The following SPATC1 variants were observed in gnomAD, a reference collection of about 807,000 sequenced individuals.
SPATC1 encodes spermatogenesis and centriole associated 1.
In SPATC1, 35 loss-of-function variants were observed where a neutral mutation model predicts 36.5. The ratio of observed to expected loss-of-function variants is 0.96; its 90% CI spans 0.73 to 1.27. The LOEUF is 1.27. Among genes scored for constraint, SPATC1 ranks in the 50% most tolerant of loss-of-function variants. SPATC1 has a pLI of 0.00. For missense variants in SPATC1, 779 were observed against 796.0 expected (o/e 0.98, Z 0.26); for synonymous variants, 361 against 353.6 (o/e 1.02, Z -0.24).
chr8:144,019,539 A>T (rs912202687), intron 1 of SPATC1, among the ~76,000 whole-genome samples: 54 of 152,092 alleles, frequency 3.6e-4, no homozygotes, highest in Admixed American at 7.9e-4. Context: ...GGCAGGTGGG[A>T]GCTGCGGCAT....
At chr8:144,027,980 G>A (rs910750843) in intron 1 of SPATC1, among the ~76,000 whole-genome samples, 4 of 151,642 alleles carry the variant, frequency 2.6e-5, no homozygotes, top group South Asian at 2.1e-4. Flanking sequence ...GTGACAGAGC[G>A]AGACTCTATC....
chr8:144,027,348 C>T (rs991520082), intron 1 of SPATC1, among the ~76,000 whole-genome samples: 1 of 152,074 alleles, frequency 6.6e-6, no homozygotes, highest in East Asian at 1.9e-4. Flanking sequence ...GGATATAGTC[C>T]CTCCTCAAAT....
chr8:144,013,688 G>A (rs1451409714), intron 1 of SPATC1, among the ~76,000 whole-genome samples: 1 of 152,176 alleles, frequency 6.6e-6, no homozygotes, highest in Non-Finnish European at 1.5e-5. Context: ...AGGTGCGGTG[G>A]CTCACACCTA....
At chr8:144,014,400 A>AGAG (rs1232361657) in intron 1 of SPATC1, among the ~76,000 whole-genome samples, 13 of 150,960 alleles carry the variant, frequency 8.6e-5, no homozygotes, top group African/African-American at 2.9e-4. Flanking sequence ...AAGAAGAACA[A>AGAG]GAAGAAGAAG....
In SPATC1 at chr8:144,015,957, G is replaced by A. The variant is rs1280898023; in HGVS notation, c.211+3231G>A. Reference sequence around the variant, plus strand: ...GGCGCCTGTAGTCCCAGCTACTTGGGAGGCTGAGGCGGGAGAATGGCGTGA... The same window carrying A: ...GGCGCCTGTAGTCCCAGCTACTTGGAAGGCTGAGGCGGGAGAATGGCGTGA... On this transcript the variant is annotated intron_variant, in intron 1 of 4. Coordinates refer to ENST00000377470, the MANE Select transcript of SPATC1 (RefSeq NM_198572.3). Among the ~76,000 whole-genome samples the A allele has an allele frequency of 2.6e-5, 4 of 151,470 alleles. No homozygotes were observed. In the East Asian group the frequency reaches 7.8e-4, roughly 29 times the overall value.
At chr8:144,024,194 A>T (rs1379577248) in intron 1 of SPATC1, among the ~76,000 whole-genome samples, 3 of 146,518 alleles carry the variant, frequency 2.0e-5, no homozygotes, top group Admixed American at 6.8e-5. Context: ...TCCCTTCAGG[A>T]CTCTCTTCCC....
upstream of SPATC1, among the ~76,000 whole-genome samples, chr8:144,011,052 T>C (rs1444707436): frequency 6.6e-6 from 1 of 151,892 alleles, no homozygotes; most frequent in Non-Finnish European, 1.5e-5. The surrounding 1 kb of genome is among the most constrained non-coding windows in gnomAD (Gnocchi z 4.5). Context: ...ATAGACGTGA[T>C]TAATAGCTAC....
intron 1 of SPATC1, among the ~76,000 whole-genome samples, chr8:144,021,108 CACTT>C (rs1587493241): frequency 2.1e-3 from 288 of 135,524 alleles, no homozygotes; most frequent in Middle Eastern, 4.1e-3. Flanking sequence ...CCTCATAACC[CACTT>C]TCTCCCATGA....
intron 1 of SPATC1, among the ~76,000 whole-genome samples, chr8:144,026,403 C>A (rs1834678260): frequency 6.6e-6 from 1 of 152,074 alleles, no homozygotes; most frequent in Admixed American, 6.6e-5. Flanking sequence ...ATGAATAATG[C>A]CGCTATGAAC....
At position 144,046,108 on chromosome 8, in the gene SPATC1, G is replaced by A. The variant is rs1835253722; in HGVS notation, c.1447-519G>A. 6.6e-6 allele frequency among the ~76,000 whole-genome samples: 1 copy of A among 152,160 alleles called. No homozygotes were observed. Among genetic ancestry groups the A allele is most frequent in the South Asian group, 2.1e-4 (1 of 4,832 alleles). ...TCAGTTCAGTGATGGGGGAGGAAAG[G>A]GAGTCCCCTAGGGGGTGTGCAGGCT... On this transcript the variant is annotated intron_variant, in intron 4 of 4. Transcript: ENST00000377470. The surrounding 1 kb of genome is among the most constrained non-coding windows in gnomAD (Gnocchi z 6.6).
chr8:144,018,771 T>C (rs1187093494), intron 1 of SPATC1, among the ~76,000 whole-genome samples: 1 of 150,508 alleles, frequency 6.6e-6, no homozygotes, highest in Non-Finnish European at 1.5e-5. Flanking sequence ...GTGGCTCACA[T>C]CTGTAGTCCC....
rs1038045124 is a variant in SPATC1 at position 144,040,464 on chromosome 8, G to C, written c.766+1G>C. The C allele has an allele frequency of 7.5e-6, 12 of 1,591,890 alleles. No homozygotes were observed. Among genetic ancestry groups the C allele is most frequent in the East Asian group, 4.5e-5 (2 of 44,684 alleles). On this transcript the variant is annotated splice_donor_variant, in intron 2 of 4. Transcript: ENST00000377470. LOFTEE classifies it high-confidence loss of function. The stretch of plus-strand genomic sequence containing the variant: ...GTGGTACCCACTGCCACCACCAAAG[G>C]TAACAGGTGTGGTGGGTGGTGGGTG...
chr8:144,017,820 G>C (rs1195882367), intron 1 of SPATC1, among the ~76,000 whole-genome samples: 14 of 152,188 alleles, frequency 9.2e-5, no homozygotes, highest in Non-Finnish European at 1.8e-4. Flanking sequence ...AAATGTTAGA[G>C]GTGAGCCTGG....
Position 144,046,914 on chromosome 8 carries a change from C to G in SPATC1, c.1734C>G (p.Ser578Arg). ...CGCTGCTGCTGCTCTCCTGCCTCAG[C>G]CAGCTGGCGCACGATGACGGCAAGC... ...ADALLLLSCL[S>R]QLAHDDGKPM... Residue 578 changes from serine to arginine, a missense_variant, in exon 5 of 5, where the codon AGC becomes AGG. Ser to Arg is a moderately radical substitution (Grantham distance 110, BLOSUM62 -1). Coordinates refer to ENST00000377470, the MANE Select transcript of SPATC1 (RefSeq NM_198572.3). The surrounding 1 kb of genome is among the most constrained non-coding windows in gnomAD (Gnocchi z 6.6). 6.3e-7 allele frequency: 1 copy of G among 1,598,742 alleles called. No individual in the cohort carries two copies. The highest frequency in any genetic ancestry group is 1.7e-5 in the Admixed American group (1 of 59,976).
At chr8:144,032,020 G>A (rs980137849) in intron 1 of SPATC1, among the ~76,000 whole-genome samples, 7 of 151,378 alleles carry the variant, frequency 4.6e-5, no homozygotes, top group African/African-American at 1.5e-4. Context: ...ATGCCTGGTC[G>A]ATTTCTACAA....
chr8:144,041,231 G>A lies in SPATC1; in HGVS notation c.1307-1G>A. The A allele has an allele frequency of 6.2e-7, 1 of 1,613,280 alleles. No individual in the cohort carries two copies. Among genetic ancestry groups the A allele is most frequent in the South Asian group, 1.1e-5 (1 of 91,056 alleles). On this transcript the variant is annotated splice_acceptor_variant, in intron 3 of 4. Coordinates refer to ENST00000377470, the MANE Select transcript of SPATC1 (RefSeq NM_198572.3). LOFTEE classifies it high-confidence loss of function. ...GGGCTGACGAGACCCTGTGTCCCCA[G>A]AGTCGAAGCAGCTGGCCTGGGAGAG... is the stretch of plus-strand genomic sequence containing the variant.
chr8:144,027,176 G>A (rs1247866794), intron 1 of SPATC1, among the ~76,000 whole-genome samples: 2 of 151,876 alleles, frequency 1.3e-5, no homozygotes, highest in East Asian at 3.9e-4. Flanking sequence ...GTCTCACTAT[G>A]TTGCCCAGGT....
intron 1 of SPATC1, among the ~76,000 whole-genome samples, chr8:144,018,942 T>C (rs1398224962): frequency 2.2e-5 from 3 of 138,738 alleles, no homozygotes; most frequent in Non-Finnish European, 3.0e-5. Context: ...CTCAGGAGGC[T>C]GAGGCAGGAG....
chr8:144,034,848 C>T (rs1834867026), intron 1 of SPATC1, among the ~76,000 whole-genome samples: 2 of 152,258 alleles, frequency 1.3e-5, no homozygotes, highest in South Asian at 4.1e-4. Flanking sequence ...GTCTCAATCT[C>T]CTGACCTCGT....
Sources: allele counts gnomAD v4.1 joint callset (sites outside exome capture counted in the v4.1 genomes callset), GRCh38; gene constraint gnomAD v4.1.1; non-coding constraint Gnocchi (gnomAD v3.1); transcripts MANE v1.5; gene names NCBI Gene and HGNC (gene_info 2026-07-23, HGNC 2026-07-21).